The following KIF15 variants were observed in gnomAD, a reference collection of about 807,000 sequenced individuals.
KIF15 encodes the protein kinesin family member 15.
A neutral mutation model predicts 190.6 loss-of-function variants in KIF15; 140 were observed. The ratio of observed to expected loss-of-function variants is 0.73; its 90% CI spans 0.64 to 0.84. KIF15 has a LOEUF of 0.84. Among genes scored for constraint, KIF15 ranks in the 40% least tolerant of loss-of-function variants. The probability of loss-of-function intolerance (pLI) is 0.00; values close to 1 mark genes in which losing one functional copy is unlikely to be tolerated. For synonymous variants in KIF15, 528 were observed against 551.3 expected (o/e 0.96, Z 0.59); for missense variants, 1,372 against 1,584.4 (o/e 0.87, Z 2.28).
Position 44,805,849 on chromosome 3 carries a change from AG to A in KIF15, c.1836del (p.Arg612SerfsTer3). 1 of 1,612,518 alleles carries A rather than the reference AG, an allele frequency of 6.2e-7. No homozygotes were observed. Among genetic ancestry groups the A allele is most frequent in the Non-Finnish European group, 8.5e-7 (1 of 1,179,562 alleles). On this transcript the variant is annotated frameshift_variant, in exon 16 of 35. Transcript: ENST00000326047. LOFTEE classifies it high-confidence loss of function. ...CCGTTTTACAATATCTATTAGGAAA[AG>A]GCAGCTAGAATTGGAATCAGAGCTT... The part of the protein sequence containing the change: ...YEEFKELTRK[R>X]QLELESELQS...
chr3:44,822,349 T>G lies in KIF15; in HGVS notation c.2550-3690T>G, dbSNP rs573104637. On this transcript the variant is annotated intron_variant, in intron 20 of 34. Transcript: ENST00000326047. ...TATTGCCCCCCACTCTCTTCTGGCT[T>G]GTAGAGTTTCTGCTGAGAGATCCGC... Among the ~76,000 whole-genome samples the G allele has an allele frequency of 3.3e-5, 5 of 152,346 alleles. No individual in the cohort carries two copies. In the East Asian group the frequency reaches 9.6e-4, roughly 29 times the overall value.
intron 33 of KIF15, 89 bp downstream of exon 33, chr3:44,852,041 T>A: frequency 6.8e-7 from 1 of 1,480,868 alleles, no homozygotes; most frequent in Non-Finnish European, 9.2e-7. Flanking sequence ...TGATTGGGTG[T>A]CCTTAGTTCA....
Position 44,843,198 on chromosome 3 carries a change from G to A in KIF15, c.3659G>A (p.Gly1220Asp), listed in dbSNP as rs748348995. The change falls in exon 30 of 35, where the codon GGT (glycine) becomes GAT (aspartate). Residue 1220 changes from glycine (G) to aspartate (D), a missense_variant. Gly to Asp is a moderately conservative substitution (Grantham distance 94, BLOSUM62 -1). Transcript: ENST00000326047. ...ATAGAGAAAAACTGGCTCCTGCAAGGTCAGCTGGATGATATTAAAAGACAA... is the reference window on the plus strand; with the variant it reads ...ATAGAGAAAAACTGGCTCCTGCAAGATCAGCTGGATGATATTAAAAGACAA... ...QLIEKNWLLQGQLDDIKRQKE... is the reference protein window; with the variant it reads ...QLIEKNWLLQDQLDDIKRQKE... The A allele has an allele frequency of 3.1e-6, 5 of 1,613,304 alleles. No homozygotes were observed. In the South Asian group the frequency reaches 5.5e-5, roughly 18 times the overall value.
At chr3:44,864,040 T>TGAAGCCCTGTGCAGG (rs1699292946) in intron 6 of KIF15, 11 of 762,126 alleles carry the variant, frequency 1.4e-5, no homozygotes, top group Admixed American at 2.7e-5. Flanking sequence ...GAGGGTTAAG[T>TGAAGCCCTGTGCAGG]GAAGCCCTGT....
chr3:44,865,218 A>C, intron 6 of KIF15: 1 of 1,612,988 alleles, frequency 6.2e-7, no homozygotes, highest in Non-Finnish European at 8.5e-7. Context: ...AAAGATCATG[A>C]TGGTGGCCCA....
intron 30 of KIF15, among the ~76,000 whole-genome samples, chr3:44,844,106 G>A (rs190554732): frequency 1.2e-4 from 18 of 152,244 alleles, no homozygotes; most frequent in African/African-American, 2.4e-5. Context: ...AGCCCTTACC[G>A]AATTCCACTG....
At chr3:44,812,432 A>T (rs1046574823) in intron 18 of KIF15, 143 bp downstream of exon 18, 3 of 651,454 alleles carry the variant, frequency 4.6e-6, no homozygotes, top group Non-Finnish European at 8.2e-6. Flanking sequence ...ATGTTGTCAC[A>T]TGGCCTTAGT....
intron 10 of KIF15, chr3:44,799,185 G>A: frequency 2.2e-6 from 1 of 453,654 alleles, no homozygotes; most frequent in Non-Finnish European, 4.4e-6. Flanking sequence ...CAGAAGTGCA[G>A]TAGTACCTTG....
chr3:44,768,076 C>T (rs187675246), intron 1 of KIF15, among the ~76,000 whole-genome samples: 1 of 151,670 alleles, frequency 6.6e-6, no homozygotes, highest in Admixed American at 6.6e-5. Context: ...GAGATCAAGA[C>T]CATCCTGGCC....
intron 6 of KIF15, among the ~76,000 whole-genome samples, chr3:44,866,441 GCA>G (rs1241272675): frequency 1.3e-5 from 2 of 152,140 alleles, no homozygotes; most frequent in Non-Finnish European, 1.5e-5. Context: ...TGTGCTGCCT[GCA>G]CACTTTCCCA....
At chr3:44,846,355 G>T (rs956705170) in intron 30 of KIF15, among the ~76,000 whole-genome samples, 1 of 151,996 alleles carries the variant, frequency 6.6e-6, no homozygotes, top group Admixed American at 6.6e-5. Context: ...TTTAGTTTCT[G>T]TTCTGTGGAA....
chr3:44,861,941 G>A lies in KIF15; in HGVS notation c.*59+9147G>A, dbSNP rs548911859. 2.7e-5 allele frequency: 38 copies of A among 1,421,886 alleles called. No homozygotes were observed. The African/African-American group carries it at 4.1e-4, about 15-fold the overall frequency. 88.1% of individuals were successfully genotyped at this position (1,421,886 alleles called of 1,614,324 possible). ...GCAGGCAACATGGCCGAGAGGCCGGGGCCTCCGGGCGGCGCCGTGTCCGCG... is the reference window on the plus strand; with the variant it reads ...GCAGGCAACATGGCCGAGAGGCCGGAGCCTCCGGGCGGCGCCGTGTCCGCG... On this transcript the variant is annotated intron_variant and NMD_transcript_variant, in intron 6 of 6. Transcript: ENST00000422209.
At chr3:44,864,422 C>T (rs1699298674) in intron 6 of KIF15, 1 of 1,568,254 alleles carries the variant, frequency 6.4e-7, no homozygotes, top group Non-Finnish European at 8.7e-7. Context: ...CCCTCCTTTC[C>T]CAGACAGGAG....
At position 44,778,126 on chromosome 3, in the gene KIF15, C is replaced by T. The variant is rs745815466; in HGVS notation, c.258C>T (p.Phe86=). Residue 86 remains phenylalanine, a synonymous_variant, in exon 4 of 35, where the codon TTC becomes TTT. Coordinates refer to ENST00000326047, the MANE Select transcript of KIF15 (RefSeq NM_020242.3). ...ADVDTTQESV[F]ATVAKSIVES... ...GGTTACATTTGTAGGAATCTGTATTCGCAACTGTGGCTAAAAGCATTGTGG... is the reference window on the plus strand; with the variant it reads ...GGTTACATTTGTAGGAATCTGTATTTGCAACTGTGGCTAAAAGCATTGTGG... 14 of 1,612,860 alleles carry T rather than the reference C, an allele frequency of 8.7e-6. No homozygotes were observed. The highest frequency in any genetic ancestry group is 8.0e-5 in the African/African-American group (6 of 74,872).
chr3:44,856,463 T>C (rs1699189767), downstream of KIF15, among the ~76,000 whole-genome samples: 1 of 152,164 alleles, frequency 6.6e-6, no homozygotes, highest in Non-Finnish European at 1.5e-5. Flanking sequence ...GAAGAGGTTA[T>C]GAAATGACGA....
chr3:44,858,125 C>T (rs139399419), downstream of KIF15, among the ~76,000 whole-genome samples: 10 of 151,858 alleles, frequency 6.6e-5, no homozygotes, highest in East Asian at 1.9e-4. Context: ...GAGGCTGGGA[C>T]GAGGGGTGTA....
intron 24 of KIF15, among the ~76,000 whole-genome samples, chr3:44,829,205 A>T (rs573437880): frequency 1.0e-3 from 156 of 150,474 alleles, no homozygotes; most frequent in Non-Finnish European, 1.6e-3. Flanking sequence ...AAAATACAAA[A>T]AATTAGCTGG....
chr3:44,833,857 T>G (rs1405625178), intron 26 of KIF15, among the ~76,000 whole-genome samples: 5 of 152,166 alleles, frequency 3.3e-5, no homozygotes, highest in African/African-American at 4.8e-5. Context: ...ATTGAAAAGT[T>G]AGTACACAGA....
intron 1 of KIF15, among the ~76,000 whole-genome samples, chr3:44,771,004 G>A (rs1212856184): frequency 6.6e-6 from 1 of 152,140 alleles, no homozygotes; most frequent in Non-Finnish European, 1.5e-5. Context: ...AGTCCTGTTT[G>A]TTTTTTCTTT....
Sources: gnomAD v4.1 joint callset for allele counts (sites outside exome capture counted in the v4.1 genomes callset) on GRCh38, gnomAD v4.1.1 for gene constraint, MANE v1.5 for transcripts, NCBI Gene and HGNC (gene_info 2026-07-23, HGNC 2026-07-21) for gene names.